The following ECT2 variants were observed in gnomAD, a reference collection of about 807,000 sequenced individuals.
ECT2 encodes epithelial cell transforming 2, also known as protein ECT2.
A neutral mutation model predicts 116.9 loss-of-function variants in ECT2; 61 were observed. The ratio of observed to expected loss-of-function variants is 0.52; its 90% CI spans 0.42 to 0.65. The LOEUF (loss-of-function observed/expected upper bound fraction) is 0.65, where lower values mean the gene tolerates loss of function less well. Ranked by LOEUF, ECT2 falls within the 30% of genes least tolerant of loss-of-function variation. The probability of loss-of-function intolerance (pLI) is 0.00; values close to 1 mark genes in which losing one functional copy is unlikely to be tolerated. For missense variants in ECT2, 937 were observed against 1,078.7 expected (o/e 0.87, Z 1.84); for synonymous variants, 358 against 346.4 (o/e 1.03, Z -0.37).
chr3:172,812,044 G>A (rs1728857337), intron 22 of ECT2, among the ~76,000 whole-genome samples: 1 of 151,394 alleles, frequency 6.6e-6, no homozygotes, highest in Admixed American at 6.6e-5. Flanking sequence ...GAGTGCAGTG[G>A]CACAATCTTG....
Position 172,764,433 on chromosome 3 carries a change from G to A in ECT2, c.1224G>A (p.Glu408=), listed in dbSNP as rs1718931971. 1 of 1,614,134 alleles carries A rather than the reference G, an allele frequency of 6.2e-7. No homozygotes were observed. The highest frequency in any genetic ancestry group is 2.2e-5 in the East Asian group (1 of 44,882). ...CACCCCGTAAGCGCCCATCAGCTGAGCATTCCCTTTCCATAGGGTCACTCC... is the reference window on the plus strand; with the variant it reads ...CACCCCGTAAGCGCCCATCAGCTGAACATTCCCTTTCCATAGGGTCACTCC... ...PFPPRKRPSA[E]HSLSIGSLLD... Residue 408 remains glutamate, a synonymous_variant, in exon 12 of 25, where the codon GAG becomes GAA. Transcript: ENST00000392692.
chr3:172,779,623 A>G (rs1372397358), intron 14 of ECT2, among the ~76,000 whole-genome samples: 2 of 152,216 alleles, frequency 1.3e-5, no homozygotes, highest in Non-Finnish European at 2.9e-5. Context: ...AACACAATTC[A>G]GGCCAGGCCT....
In ECT2 at chr3:172,816,765, A is replaced by G; in HGVS notation, c.2583A>G (p.Ser861=). 6.2e-7 allele frequency: 1 copy of G among 1,611,520 alleles called. No homozygotes were observed. Among genetic ancestry groups the G allele is most frequent in the East Asian group, 2.2e-5 (1 of 44,832 alleles). The change falls in exon 24 of 25, where the codon TCA becomes TCG. Residue 861 remains serine, a synonymous_variant. Transcript: ENST00000392692. ...GGGCTCTTATGACATCCCACGGCTC[A>G]GTGGAGGGAAGAAGTCCTTCCAGCA... The part of the protein sequence containing the change: ...LRRALMTSHG[S]VEGRSPSSND...
the ECT2 span, among the ~76,000 whole-genome samples, chr3:172,827,596 G>A: frequency 6.6e-6 from 1 of 152,178 alleles, no homozygotes; most frequent in Non-Finnish European, 1.5e-5. Flanking sequence ...CATGGAGATA[G>A]AGTAGAGTGA....
At chr3:172,799,966 C>T (rs1355775709) in intron 18 of ECT2, among the ~76,000 whole-genome samples, 1 of 152,160 alleles carries the variant, frequency 6.6e-6, no homozygotes, top group Admixed American at 6.6e-5. Flanking sequence ...CTCTTTGTTA[C>T]TCAAATGTGG....
chr3:172,751,056 A>C (rs1715676799), intron 1 of ECT2, 199 bp downstream of exon 1: 1 of 152,292 alleles, frequency 6.6e-6, no homozygotes, highest in Admixed American at 6.5e-5. Flanking sequence ...TGGGAGACCG[A>C]AGCCCCCAGT....
At chr3:172,768,766 C>T (rs1475366404) in intron 12 of ECT2, among the ~76,000 whole-genome samples, 1 of 152,086 alleles carries the variant, frequency 6.6e-6, no homozygotes. Flanking sequence ...TTTTAATAAC[C>T]TTGACGTTTT....
At chr3:172,773,764 A>C in intron 13 of ECT2, 139 bp from the exon 14 acceptor site, 1 of 834,042 alleles carries the variant, frequency 1.2e-6, no homozygotes. Context: ...TATGGGGAAA[A>C]TGTCTCAAAT....
chr3:172,756,107 CT>C (rs974097418), intron 4 of ECT2, among the ~76,000 whole-genome samples: 13 of 152,134 alleles, frequency 8.5e-5, no homozygotes, highest in Non-Finnish European at 1.3e-4. Context: ...GGGCCCACCC[CT>C]ATTATCTCAT....
chr3:172,795,888 A>C (rs1173433680), intron 18 of ECT2, among the ~76,000 whole-genome samples: 1 of 152,204 alleles, frequency 6.6e-6, no homozygotes, highest in African/African-American at 2.4e-5. Context: ...AAGACTAAAT[A>C]TACTTAGATC....
intron 22 of ECT2, among the ~76,000 whole-genome samples, chr3:172,810,688 G>C (rs1728613594): frequency 6.6e-6 from 1 of 152,148 alleles, no homozygotes; most frequent in Non-Finnish European, 1.5e-5. Flanking sequence ...ACTAGGGTAA[G>C]AGGAGAGCTT....
At chr3:172,778,494 CAAT>C in intron 14 of ECT2, among the ~76,000 whole-genome samples, 1 of 150,356 alleles carries the variant, frequency 6.7e-6, no homozygotes, top group South Asian at 2.1e-4. Context: ...TACTGAGTTT[CAAT>C]ACTGGTTCAC....
At chr3:172,770,208 A>G (rs1383147402) in intron 13 of ECT2, among the ~76,000 whole-genome samples, 3 of 152,170 alleles carry the variant, frequency 2.0e-5, no homozygotes, top group African/African-American at 7.2e-5. Context: ...TTCTTGTTGA[A>G]GTTTTTATAA....
intron 18 of ECT2, among the ~76,000 whole-genome samples, chr3:172,790,949 G>A (rs900820965): frequency 5.3e-5 from 8 of 152,204 alleles, no homozygotes; most frequent in African/African-American, 1.7e-4. Context: ...GAGGCCAGGA[G>A]TTTTAGACCA....
intron 18 of ECT2, among the ~76,000 whole-genome samples, chr3:172,797,010 A>G (rs1725774014): frequency 1.1e-5 from 1 of 87,638 alleles, no homozygotes; most frequent in African/African-American, 3.9e-5. Context: ...TTCATATATC[A>G]GGTTCAACTG....
intron 18 of ECT2, among the ~76,000 whole-genome samples, chr3:172,793,435 G>A (rs1725039071): frequency 6.6e-6 from 1 of 151,934 alleles, no homozygotes; most frequent in Non-Finnish European, 1.5e-5. Flanking sequence ...TTACAGGCGT[G>A]AGCCCCCGCG....
At chr3:172,757,650 C>T (rs1717293252) in intron 5 of ECT2, among the ~76,000 whole-genome samples, 2 of 151,986 alleles carry the variant, frequency 1.3e-5, no homozygotes, top group African/African-American at 4.8e-5. Context: ...CTCCTGACCT[C>T]GTGATCCACC....
At chr3:172,774,998 A>G (rs1410590298) in intron 14 of ECT2, among the ~76,000 whole-genome samples, 3 of 152,164 alleles carry the variant, frequency 2.0e-5, no homozygotes, top group Non-Finnish European at 4.4e-5. Context: ...CTTAGAGTTC[A>G]TTTAAGTCCC....
At chr3:172,773,785 T>A in intron 13 of ECT2, 118 bp from the exon 14 acceptor site, 1 of 1,015,700 alleles carries the variant, frequency 9.8e-7, no homozygotes, top group Non-Finnish European at 1.4e-6. Flanking sequence ...TTAGGGAGAG[T>A]ATTTTTTATT....
Sources: gnomAD v4.1 joint callset for allele counts (sites outside exome capture counted in the v4.1 genomes callset) on GRCh38, gnomAD v4.1.1 for gene constraint, MANE v1.5 for transcripts, NCBI Gene and HGNC (gene_info 2026-07-23, HGNC 2026-07-21) for gene names.